The following CUL3 variants were observed in gnomAD, a reference collection of about 807,000 sequenced individuals.
CUL3 encodes cullin-3.
Under a neutral mutation model 89.1 loss-of-function variants are expected in CUL3, and 19 were observed. The observed-to-expected ratio is 0.21, with a 90% CI of 0.15 to 0.31. CUL3 has a LOEUF of 0.31. CUL3 is among the 10% of genes least tolerant of loss of function. CUL3 has a pLI of 1.00. For missense variants in CUL3, 469 were observed against 942.3 expected (o/e 0.50, Z 6.58); for synonymous variants, 351 against 308.4 (o/e 1.14, Z -1.45).
At chr2:224,482,993 T>C (rs571493616) in intron 13 of CUL3, among the ~76,000 whole-genome samples, 3 of 152,268 alleles carry the variant, frequency 2.0e-5, no homozygotes, top group East Asian at 3.9e-4. Flanking sequence ...TCATTCTCTC[T>C]AGACAAGTCT....
intron 3 of CUL3, among the ~76,000 whole-genome samples, chr2:224,526,585 CAAAAAAAAA>C (rs1166152595): frequency 2.8e-3 from 74 of 26,162 alleles, no homozygotes; most frequent in Middle Eastern, 0.045. Flanking sequence ...GACTCCGTCT[CAAAAAAAAA>C]AAAAAAAAAA....
At chr2:224,526,006 A>G (rs1274777968) in intron 3 of CUL3, among the ~76,000 whole-genome samples, 36 of 152,240 alleles carry the variant, frequency 2.4e-4, no homozygotes. Context: ...TGGTATGTGC[A>G]TGCACACATG....
intron 6 of CUL3, among the ~76,000 whole-genome samples, chr2:224,507,313 A>G (rs1692639573): frequency 6.6e-6 from 1 of 152,168 alleles, no homozygotes; most frequent in Non-Finnish European, 1.5e-5. Context: ...ATGTCACAAA[A>G]ACATGGCAAC....
chr2:224,538,564 C>T (rs1347606890), intron 2 of CUL3, among the ~76,000 whole-genome samples: 1 of 152,130 alleles, frequency 6.6e-6, no homozygotes, highest in African/African-American at 2.4e-5. Context: ...TGGGAGGGAA[C>T]CCTGCTGTAC....
At chr2:224,474,561 C>A (rs2106134412) in intron 15 of CUL3, 185 bp from the exon 16 acceptor site, 2 of 536,394 alleles carry the variant, frequency 3.7e-6, no homozygotes, top group East Asian at 6.0e-5. Flanking sequence ...AACACACTTC[C>A]TCAAATCAGA....
At chr2:224,577,012 T>C (rs1229673080) in intron 1 of CUL3, among the ~76,000 whole-genome samples, 1 of 152,180 alleles carries the variant, frequency 6.6e-6, no homozygotes, top group African/African-American at 2.4e-5. Flanking sequence ...AAAACTTAAG[T>C]TCTAGAAGTT....
At chr2:224,541,374 T>C (rs899928004) in intron 2 of CUL3, among the ~76,000 whole-genome samples, 6 of 152,144 alleles carry the variant, frequency 3.9e-5, no homozygotes, top group Admixed American at 3.9e-4. Flanking sequence ...GAAAAGCTAA[T>C]TAAAACCATG....
At chr2:224,507,055 A>G (rs1226914344) in intron 6 of CUL3, 52 bp from the exon 7 acceptor site, 4 of 1,557,608 alleles carry the variant, frequency 2.6e-6, no homozygotes, top group Non-Finnish European at 3.5e-6. Flanking sequence ...AGAAAAAAAC[A>G]CGAATCTCTG....
chr2:224,481,847 G>T (rs768018900), intron 14 of CUL3, 45 bp downstream of exon 14: 2 of 1,326,962 alleles, frequency 1.5e-6, no homozygotes, highest in Non-Finnish European at 1.0e-6. Flanking sequence ...TTTCTAAAGA[G>T]AAAAATATAT....
Position 224,473,302 on chromosome 2 carries a change from A to G in CUL3, c.*943T>C, listed in dbSNP as rs1453509184. ...ATATATTTAGGGGCAGGGAGGACCTAGGGTATTTATAAACAAAGTATAGAC... is the reference window on the plus strand; with the variant it reads ...ATATATTTAGGGGCAGGGAGGACCTGGGGTATTTATAAACAAAGTATAGAC... On this transcript the variant is annotated 3_prime_UTR_variant, in exon 16 of 16. Transcript: ENST00000264414. The G allele has an allele frequency of 5.2e-6, 1 of 193,130 alleles. No homozygotes were observed. The highest frequency in any genetic ancestry group is 1.1e-5 in the Non-Finnish European group (1 of 92,154). The allele number at this position is 193,130 out of a possible 1,614,324, so 12.0% of individuals were successfully genotyped here. A position where few individuals can be genotyped will look rare whatever the true frequency, so the allele number is the denominator to read the frequency against.
At chr2:224,526,383 C>T (rs1292420042) in intron 3 of CUL3, among the ~76,000 whole-genome samples, 1 of 151,860 alleles carries the variant, frequency 6.6e-6, no homozygotes, top group Non-Finnish European at 1.5e-5. Flanking sequence ...GTCGAAAGTT[C>T]GAGACCAGTC....
chr2:224,541,481 A>G (rs755685491), intron 2 of CUL3, among the ~76,000 whole-genome samples: 3 of 152,262 alleles, frequency 2.0e-5, no homozygotes, highest in Non-Finnish European at 4.4e-5. Flanking sequence ...TACCATAAAC[A>G]AAATGGTACA....
intron 11 of CUL3, among the ~76,000 whole-genome samples, 188 bp from the exon 12 acceptor site, chr2:224,498,037 TA>T (rs1176324302): frequency 6.6e-6 from 1 of 152,148 alleles, no homozygotes; most frequent in Non-Finnish European, 1.5e-5. Flanking sequence ...GAGAGAGTCC[TA>T]AGTAACTCAG....
intron 1 of CUL3, among the ~76,000 whole-genome samples, chr2:224,570,505 T>C (rs1695158735): frequency 6.6e-6 from 1 of 152,216 alleles, no homozygotes; most frequent in African/African-American, 2.4e-5. Flanking sequence ...CTTGCCTATG[T>C]AGAAGAGACA....
rs1038797363 is a variant in CUL3 at position 224,554,049 on chromosome 2, A to C, written c.264+3610T>G. ...ACTGGAGCCCAAAACTTGGTCACCGAAACACTGATCTCACACTCTGGCCTT... is the reference window on the plus strand; with the variant it reads ...ACTGGAGCCCAAAACTTGGTCACCGCAACACTGATCTCACACTCTGGCCTT... On this transcript the variant is annotated intron_variant, in intron 2 of 15. Coordinates refer to ENST00000264414, the MANE Select transcript of CUL3 (RefSeq NM_003590.5). Among the ~76,000 whole-genome samples the C allele has an allele frequency of 2.9e-4, 44 of 152,244 alleles. 1 individual carries two copies. The highest frequency in any genetic ancestry group is 3.9e-4 in the Admixed American group (6 of 15,290).
Position 224,472,172 on chromosome 2 carries a change from T to A in CUL3, c.*2073A>T. 4.4e-6 allele frequency: 1 copy of A among 226,590 alleles called. No individual in the cohort carries two copies. The highest frequency in any genetic ancestry group is 8.8e-6 in the Non-Finnish European group (1 of 114,040). 14.0% of individuals were successfully genotyped at this position (226,590 alleles called of 1,614,324 possible). Reference sequence around the variant, plus strand: ...TTTAATGTATTTAGAAGCATAAATATCAAACCTGTGCTCCAAAGTTAACAA... The same window carrying A: ...TTTAATGTATTTAGAAGCATAAATAACAAACCTGTGCTCCAAAGTTAACAA... On this transcript the variant is annotated 3_prime_UTR_variant, in exon 16 of 16. Transcript: ENST00000264414.
intron 11 of CUL3, chr2:224,499,383 C>G (rs1416527207): frequency 4.2e-6 from 1 of 238,796 alleles, no homozygotes; most frequent in Non-Finnish European, 9.4e-6. Context: ...ATCATTAAGA[C>G]TAAGGTGAAG....
chr2:224,491,188 C>T (rs184443778), intron 13 of CUL3, among the ~76,000 whole-genome samples: 11 of 152,232 alleles, frequency 7.2e-5, no homozygotes, highest in African/African-American at 2.6e-4. Context: ...TTGGACATTT[C>T]ATTTCAGATT....
intron 3 of CUL3, among the ~76,000 whole-genome samples, chr2:224,515,529 T>C (rs1448719873): frequency 1.3e-5 from 2 of 152,204 alleles, no homozygotes; most frequent in Non-Finnish European, 1.5e-5. Context: ...CTAAAATTAT[T>C]AAGTTATATG....
Sources: allele counts gnomAD v4.1 joint callset (sites outside exome capture counted in the v4.1 genomes callset), GRCh38; gene constraint gnomAD v4.1.1; transcripts MANE v1.5; gene names NCBI Gene and HGNC (gene_info 2026-07-23, HGNC 2026-07-21).